Variants in CTNNA2 observed in about 807,000 individuals in gnomAD.
CTNNA2 encodes the protein catenin alpha-2.
A neutral mutation model predicts 101.0 loss-of-function variants in CTNNA2; 42 were observed. The observed-to-expected ratio is 0.42, with a 90% CI of 0.32 to 0.54. The LOEUF (loss-of-function observed/expected upper bound fraction) is 0.54, where lower values mean the gene tolerates loss of function less well. Among genes scored for constraint, CTNNA2 ranks in the 20% least tolerant of loss-of-function variants. The pLI, the probability that CTNNA2 is intolerant of heterozygous loss-of-function variation, is 0.14. For synonymous variants in CTNNA2, 450 were observed against 456.4 expected, an observed-to-expected ratio of 0.99 and a Z score of 0.18; for missense variants, 871 against 1,223.1, an observed-to-expected ratio of 0.71 and a Z score of 4.29.
intron 2 of CTNNA2, among the ~76,000 whole-genome samples, chr2:79,666,756 A>G (rs1188546812): frequency 6.6e-6 from 1 of 152,206 alleles, no homozygotes; most frequent in Non-Finnish European, 1.5e-5. Context: ...AGGAGTAAGA[A>G]ATACTTGATA....
intron 18 of CTNNA2, among the ~76,000 whole-genome samples, chr2:80,631,013 G>A (rs546956576): frequency 4.6e-5 from 7 of 152,146 alleles, no homozygotes; most frequent in South Asian, 2.1e-4. Flanking sequence ...ATATACCTTC[G>A]GTATAATTGA....
chr2:79,469,914 G>C (rs964075055), intron 4 of CTNNA2, among the ~76,000 whole-genome samples: 6 of 152,104 alleles, frequency 3.9e-5, no homozygotes, highest in Admixed American at 3.9e-4. Flanking sequence ...CATACCCACA[G>C]CCAATATCAT....
At chr2:79,838,024 T>C (rs990094752) in intron 3 of CTNNA2, among the ~76,000 whole-genome samples, 14 of 152,172 alleles carry the variant, frequency 9.2e-5, no homozygotes, top group Admixed American at 4.6e-4. Flanking sequence ...CCAAGTCCTC[T>C]ACACTGATTG....
At chr2:79,617,195 T>C (rs1678687099) in intron 1 of CTNNA2, among the ~76,000 whole-genome samples, 1 of 152,102 alleles carries the variant, frequency 6.6e-6, no homozygotes, top group African/African-American at 2.4e-5. Flanking sequence ...AGCCATCGCG[T>C]TCAGCCCTAA....
chr2:79,853,670 CTTTTT>C (rs10607231), intron 3 of CTNNA2, among the ~76,000 whole-genome samples: 1 of 129,914 alleles, frequency 7.7e-6, no homozygotes, highest in Non-Finnish European at 1.6e-5. Context: ...TATTATTTTT[CTTTTT>C]TTTTTTTTTT....
At chr2:79,591,886 G>A (rs1453646795) in intron 1 of CTNNA2, among the ~76,000 whole-genome samples, 4 of 145,712 alleles carry the variant, frequency 2.7e-5, no homozygotes, top group South Asian at 4.6e-4. Flanking sequence ...TTATTTTATC[G>A]GTTGTTTCTT....
chr2:80,281,780 G>A (rs12474890), intron 7 of CTNNA2, among the ~76,000 whole-genome samples: 22,910 of 151,810 alleles, frequency 0.15, 2,283 homozygotes, highest in South Asian at 0.3. Context: ...ATACTAATAA[G>A]TGAATACAAA....
At chr2:79,719,502 A>C (rs748558531) in intron 2 of CTNNA2, among the ~76,000 whole-genome samples, 6 of 152,142 alleles carry the variant, frequency 3.9e-5, no homozygotes, top group Non-Finnish European at 7.4e-5. Flanking sequence ...GAACTAATTG[A>C]TATTCCCACC....
chr2:79,328,340 A>G (rs1030672716), intron 3 of CTNNA2, among the ~76,000 whole-genome samples: 3 of 152,102 alleles, frequency 2.0e-5, no homozygotes, highest in Admixed American at 1.3e-4. Flanking sequence ...GAAGCATAAG[A>G]AGGAGTTTGT....
chr2:79,570,012 A>G (rs1675364511), intron 1 of CTNNA2, among the ~76,000 whole-genome samples: 1 of 152,146 alleles, frequency 6.6e-6, no homozygotes, highest in Non-Finnish European at 1.5e-5. Flanking sequence ...TTACCTTATA[A>G]TATTTAGAGA....
intron 2 of CTNNA2, among the ~76,000 whole-genome samples, chr2:79,708,647 A>G (rs1685542136): frequency 6.6e-6 from 1 of 151,874 alleles, no homozygotes; most frequent in East Asian, 1.9e-4. Flanking sequence ...CTTGCAATTC[A>G]TATACTGTAA....
chr2:80,367,133 G>A (rs901043427), intron 7 of CTNNA2, among the ~76,000 whole-genome samples: 1 of 151,930 alleles, frequency 6.6e-6, no homozygotes, highest in African/African-American at 2.4e-5. Flanking sequence ...AGCAGTTCCC[G>A]GCTTGACTTT....
At chr2:79,768,919 A>G (rs1673368683) in intron 3 of CTNNA2, among the ~76,000 whole-genome samples, 1 of 152,090 alleles carries the variant, frequency 6.6e-6, no homozygotes, top group East Asian at 1.9e-4. Context: ...CAGTGGCGCC[A>G]TCTCGGCTCA....
chr2:79,230,973 A>G (rs1558580857), intron 2 of CTNNA2, among the ~76,000 whole-genome samples: 1 of 152,150 alleles, frequency 6.6e-6, no homozygotes, highest in Non-Finnish European at 1.5e-5. Flanking sequence ...TGCCTGTACT[A>G]CCATGGTATC....
intron 7 of CTNNA2, among the ~76,000 whole-genome samples, chr2:80,294,363 A>G (rs570059112): frequency 6.6e-6 from 1 of 152,282 alleles, no homozygotes; most frequent in East Asian, 1.9e-4. Flanking sequence ...TCTTTCTTCT[A>G]TCAGTGCCAC....
At chr2:80,364,556 ATTT>A (rs57073635) in intron 7 of CTNNA2, among the ~76,000 whole-genome samples, 1,483 of 123,472 alleles carry the variant, frequency 0.012, 9 homozygotes, top group Middle Eastern at 0.032. Flanking sequence ...AGAGAAAGTA[ATTT>A]TTTTTTTTTT....
chr2:79,287,919 C>T (rs928149553), intron 2 of CTNNA2, among the ~76,000 whole-genome samples: 3 of 152,250 alleles, frequency 2.0e-5, no homozygotes, highest in Non-Finnish European at 2.9e-5. Context: ...GCGTCGGACC[C>T]TCTGAGCCAG....
intron 16 of CTNNA2, among the ~76,000 whole-genome samples, chr2:80,606,539 GC>G (rs1698044220): frequency 6.6e-6 from 1 of 151,720 alleles, no homozygotes; most frequent in Admixed American, 6.6e-5. Flanking sequence ...ATTGTCATTA[GC>G]TGTGAAATAA....
rs918249256 is a variant in CTNNA2 at position 79,749,707 on chromosome 2, C to G, written c.298+5125C>G. Reference sequence around the variant, plus strand: ...CTTCTAATCTAACTTTTACAAATAACTAGCTGAAAAGCTAAGTCACTTAAC... The same window carrying G: ...CTTCTAATCTAACTTTTACAAATAAGTAGCTGAAAAGCTAAGTCACTTAAC... On this transcript the variant is annotated intron_variant, in intron 3 of 18. Coordinates refer to ENST00000402739, the MANE Select transcript of CTNNA2 (RefSeq NM_001282597.3). 5.9e-5 allele frequency among the ~76,000 whole-genome samples: 9 copies of G among 152,174 alleles called. No individual in the cohort carries two copies. In the East Asian group the frequency reaches 1.2e-3, roughly 20 times the overall value.
Sources: gnomAD v4.1 joint callset for allele counts (sites outside exome capture counted in the v4.1 genomes callset) on GRCh38, gnomAD v4.1.1 for gene constraint, MANE v1.5 for transcripts, NCBI Gene and HGNC (gene_info 2026-07-23, HGNC 2026-07-21) for gene names.